Variants in CDYL observed in about 807,000 individuals in gnomAD.
CDYL encodes chromodomain Y like, also known as chromodomain Y-like protein.
CDYL carries 8 observed loss-of-function variants against 47.3 expected under a neutral mutation model. The ratio of observed to expected loss-of-function variants is 0.17; its 90% CI spans 0.10 to 0.31. CDYL has a LOEUF of 0.31. Among genes scored for constraint, CDYL ranks in the 10% least tolerant of loss-of-function variants. The pLI is 1.00. For missense variants in CDYL, 471 were observed against 701.4 expected, an observed-to-expected ratio of 0.67 and a Z score of 3.71; for synonymous variants, 266 against 265.0, an observed-to-expected ratio of 1.00 and a Z score of -0.04.
chr6:4,799,726 A>G (rs1759173467), intron 1 of CDYL, among the ~76,000 whole-genome samples: 1 of 152,166 alleles, frequency 6.6e-6, no homozygotes, highest in South Asian at 2.1e-4. Flanking sequence ...AGCATGAGCC[A>G]TTGCGCCCAG....
At chr6:4,891,646 A>C (rs1034483773) in intron 1 of CDYL, 67 bp from the exon 2 acceptor site, 3 of 1,308,704 alleles carry the variant, frequency 2.3e-6, no homozygotes, top group African/African-American at 1.5e-5. Context: ...ATGTTTCCTA[A>C]TGAAACTTGC....
At chr6:4,730,724 C>G (rs1012117834) in intron 2 of CDYL, among the ~76,000 whole-genome samples, 2 of 151,440 alleles carry the variant, frequency 1.3e-5, no homozygotes, top group Non-Finnish European at 2.9e-5. Flanking sequence ...TCAGCATCCC[C>G]TTGCAGGGTC....
intron 3 of CDYL, among the ~76,000 whole-genome samples, chr6:4,738,274 G>A (rs186495983): frequency 1.3e-5 from 2 of 152,294 alleles, no homozygotes; most frequent in African/African-American, 2.4e-5. Context: ...CTACTAGGGA[G>A]GCTGAGGCAC....
At chr6:4,866,163 T>G (rs1761314529) in intron 1 of CDYL, among the ~76,000 whole-genome samples, 1 of 152,062 alleles carries the variant, frequency 6.6e-6, no homozygotes, top group African/African-American at 2.4e-5. Context: ...AAACCGGAAT[T>G]AAGAGTGGTT....
rs138532693 is a variant in CDYL at position 4,933,236 on chromosome 6, A to C, written c.692-2279A>C. 2.8e-4 allele frequency among the ~76,000 whole-genome samples: 43 copies of C among 152,154 alleles called. No individual in the cohort carries two copies. In the East Asian group the frequency reaches 4.6e-3, roughly 16 times the overall value. The stretch of plus-strand genomic sequence containing the variant: ...TTCAGCCATTTCTGGCACCAACCCC[A>C]AGTACCTCTCTCCAACCCTGACTTC... On this transcript the variant is annotated intron_variant, in intron 2 of 6. Coordinates refer to ENST00000397588, the MANE Select transcript of CDYL (RefSeq NM_004824.4).
chr6:4,927,105 A>G (rs541351202), intron 2 of CDYL, among the ~76,000 whole-genome samples: 2 of 152,300 alleles, frequency 1.3e-5, no homozygotes, highest in South Asian at 4.2e-4. Context: ...ACTAGGCATG[A>G]AGTTTAGGGC....
intron 3 of CDYL, among the ~76,000 whole-genome samples, chr6:4,750,538 A>G (rs1313709783): frequency 1.3e-5 from 2 of 152,100 alleles, no homozygotes; most frequent in African/African-American, 2.4e-5. Context: ...ATGGTGGCAC[A>G]TGTAGGTAGT....
intron 4 of CDYL, among the ~76,000 whole-genome samples, chr6:4,938,981 A>G (rs1052870394): frequency 6.6e-6 from 1 of 152,238 alleles, no homozygotes. Context: ...AGTCATCAAC[A>G]TGAAAGTTGG....
chr6:4,754,449 G>A (rs1368425072), intron 3 of CDYL, among the ~76,000 whole-genome samples: 1 of 152,130 alleles, frequency 6.6e-6, no homozygotes, highest in East Asian at 1.9e-4. Flanking sequence ...CATAGTTCTT[G>A]GACTCACCAA....
rs113985576 is a variant in CDYL at position 4,937,362 on chromosome 6, A to G, written c.949-203A>G. Among the ~76,000 whole-genome samples the G allele has an allele frequency of 2.8e-3, 420 of 148,490 alleles. 2 individuals are homozygous for G. The highest frequency in any genetic ancestry group is 7.7e-3 in the African/African-American group (309 of 40,116). ...GGTTGAAAAATGAGCCAGGCATGATAGCACAAGCCTGTAGTCCCAGCTACT... is the reference window on the plus strand; with the variant it reads ...GGTTGAAAAATGAGCCAGGCATGATGGCACAAGCCTGTAGTCCCAGCTACT... On this transcript the variant is annotated intron_variant, in intron 3 of 6. Coordinates refer to ENST00000397588, the MANE Select transcript of CDYL (RefSeq NM_004824.4).
intron 3 of CDYL, among the ~76,000 whole-genome samples, chr6:4,765,445 T>C (rs1388584111): frequency 6.6e-6 from 1 of 152,142 alleles, no homozygotes; most frequent in African/African-American, 2.4e-5. Flanking sequence ...TATTTTCAAC[T>C]AAATAATAAT....
intron 1 of CDYL, among the ~76,000 whole-genome samples, chr6:4,798,798 T>C (rs1218936550): frequency 6.6e-6 from 1 of 152,216 alleles, no homozygotes; most frequent in Non-Finnish European, 1.5e-5. Flanking sequence ...GACTAAGATT[T>C]TCTTTGTGAT....
At chr6:4,894,557 C>T (rs1762140358) in intron 2 of CDYL, among the ~76,000 whole-genome samples, 5 of 152,166 alleles carry the variant, frequency 3.3e-5, no homozygotes. Context: ...AGCTAACCAT[C>T]CATTACTATG....
intron 1 of CDYL, among the ~76,000 whole-genome samples, chr6:4,883,028 G>A (rs1761805338): frequency 6.6e-6 from 1 of 152,160 alleles, no homozygotes; most frequent in East Asian, 1.9e-4. Context: ...GGTCAAAATG[G>A]AGGACATAAT....
intron 1 of CDYL, among the ~76,000 whole-genome samples, chr6:4,851,908 C>T (rs752465195): frequency 6.6e-6 from 1 of 152,026 alleles, no homozygotes; most frequent in Admixed American, 6.6e-5. Flanking sequence ...TGATACTAAC[C>T]AAAAACAGTG....
chr6:4,930,098 T>A (rs1757989631), intron 2 of CDYL, among the ~76,000 whole-genome samples: 1 of 152,254 alleles, frequency 6.6e-6, no homozygotes, highest in South Asian at 2.1e-4. Context: ...GTGCCTGATC[T>A]GGGGTCTCTC....
At chr6:4,706,927 T>C (rs9378904) in intron 1 of CDYL, among the ~76,000 whole-genome samples, 30,819 of 152,140 alleles carry the variant, frequency 0.2, 3,955 homozygotes, top group East Asian at 0.33. Flanking sequence ...CCAAAAGCTT[T>C]TGTGGAAGGA....
intron 2 of CDYL, among the ~76,000 whole-genome samples, chr6:4,912,837 C>T (rs1757451769): frequency 6.6e-6 from 1 of 152,130 alleles, no homozygotes; most frequent in African/African-American, 2.4e-5. Flanking sequence ...ATGAAGCCAC[C>T]AGTCGCACTC....
At chr6:4,768,650 T>C (rs113022493) in intron 3 of CDYL, among the ~76,000 whole-genome samples, 2,031 of 152,262 alleles carry the variant, frequency 0.013, 39 homozygotes, top group African/African-American at 0.045. Flanking sequence ...TAGATACTTT[T>C]TGTAGACACT....
Sources: gnomAD v4.1 joint callset for allele counts (sites outside exome capture counted in the v4.1 genomes callset) on GRCh38, gnomAD v4.1.1 for gene constraint, MANE v1.5 for transcripts, NCBI Gene and HGNC (gene_info 2026-07-23, HGNC 2026-07-21) for gene names.